TBCD: variants seen among roughly 807,000 people sequenced by gnomAD.
TBCD encodes tubulin-specific chaperone D.
A neutral mutation model predicts 169.3 loss-of-function variants in TBCD; 105 were observed. The observed-to-expected ratio is 0.62, with a 90% CI of 0.53 to 0.73. TBCD has a LOEUF of 0.73. TBCD is among the 30% of genes least tolerant of loss of function. The pLI is 0.00. For synonymous variants in TBCD, 700 were observed against 643.9 expected (o/e 1.09, Z -1.32); for missense variants, 1,444 against 1,600.1 (o/e 0.90, Z 1.66).
rs542987760 is a variant in TBCD, at chr17:82,907,893, C to A, written c.1983+72C>A. 4.4e-5 allele frequency: 66 copies of A among 1,514,628 alleles called. 1 individual carries two copies. In the South Asian group the frequency reaches 7.8e-4, roughly 18 times the overall value. 93.8% of individuals were successfully genotyped at this position (1,514,628 alleles called of 1,614,324 possible). On this transcript the variant is annotated intron_variant, in intron 21 of 38. Coordinates refer to ENST00000355528, the MANE Select transcript of TBCD (RefSeq NM_005993.5). ...CTGCCCCCTTAGGGCCTCCCACCCT[C>A]CCCAGGCAGGGTCTGCAGTCCTGGT... is the stretch of plus-strand genomic sequence containing the variant.
intron 13 of TBCD, among the ~76,000 whole-genome samples, chr17:82,820,724 A>C (rs1473002898): frequency 6.6e-6 from 1 of 151,686 alleles, no homozygotes; most frequent in East Asian, 1.9e-4. Flanking sequence ...TGAGTTTCTT[A>C]GGTTCTGCCC....
intron 23 of TBCD, among the ~76,000 whole-genome samples, chr17:82,917,948 GT>G (rs1301563588): frequency 6.6e-6 from 1 of 152,164 alleles, no homozygotes; most frequent in East Asian, 1.9e-4. Flanking sequence ...CTTCCTGTGT[GT>G]TTTCATTTTG....
chr17:82,773,893 A>C (rs1305056343), intron 6 of TBCD, among the ~76,000 whole-genome samples: 4 of 150,136 alleles, frequency 2.7e-5, no homozygotes, highest in African/African-American at 9.8e-5. Flanking sequence ...TGCTCAGCTA[A>C]TTTTTTTTTG....
chr17:82,929,681 G>A, intron 32 of TBCD, 181 bp downstream of exon 32: 2 of 849,352 alleles, frequency 2.4e-6, no homozygotes, highest in Non-Finnish European at 3.8e-6. Flanking sequence ...GAGGCTTAGG[G>A]CCTGTGGGAT....
chr17:82,866,061 C>T (rs1249292970), intron 13 of TBCD, among the ~76,000 whole-genome samples: 1 of 152,124 alleles, frequency 6.6e-6, no homozygotes, highest in African/African-American at 2.4e-5. Context: ...TATTTTAAAC[C>T]TGTTGAATCT....
rs1372336833 is a variant in TBCD at position 82,921,578 on chromosome 17, G to A, written c.2178+1G>A. The stretch of plus-strand genomic sequence containing the variant: ...AAGTCACTCCCGCCAGCAGATGAAG[G>A]TACAGTGAGCATGGGCGTTCCCGGC... On this transcript the variant is annotated splice_donor_variant, in intron 25 of 38. Coordinates refer to ENST00000355528, the MANE Select transcript of TBCD (RefSeq NM_005993.5). LOFTEE classifies it high-confidence loss of function. The A allele has an allele frequency of 6.2e-7, 1 of 1,613,984 alleles. No individual in the cohort carries two copies. The highest frequency in any genetic ancestry group is 8.5e-7 in the Non-Finnish European group (1 of 1,179,846).
At chr17:82,917,870 C>T (rs796099942) in intron 23 of TBCD, among the ~76,000 whole-genome samples, 8 of 152,242 alleles carry the variant, frequency 5.3e-5, no homozygotes, top group African/African-American at 1.9e-4. Context: ...AGCCGTGAGC[C>T]GGGGAGAGTT....
Position 82,781,480 on chromosome 17 carries a change from G to A in TBCD, c.639-109G>A. 2.9e-6 allele frequency: 4 copies of A among 1,393,128 alleles called. No homozygotes were observed. The South Asian group carries it at 4.1e-5, about 14-fold the overall frequency. The allele number at this position is 1,393,128 out of a possible 1,614,324, so 86.3% of individuals were successfully genotyped here. A position where few individuals can be genotyped will look rare whatever the true frequency, so the allele number is the denominator to read the frequency against. On this transcript the variant is annotated intron_variant, in intron 6 of 38. Coordinates refer to ENST00000355528, the MANE Select transcript of TBCD (RefSeq NM_005993.5). Reference sequence around the variant, plus strand: ...ACAGAGCTGGCATCTTGGTGTAAGGGTGCGTGAGGTGGGAGGGCCTGGGGA... The same window carrying A: ...ACAGAGCTGGCATCTTGGTGTAAGGATGCGTGAGGTGGGAGGGCCTGGGGA...
rs966053136 is a variant in TBCD at position 82,890,318 on chromosome 17, T to A, written c.1563+621T>A. 1.2e-4 allele frequency among the ~76,000 whole-genome samples: 19 copies of A among 152,204 alleles called. No homozygotes were observed. Among genetic ancestry groups the A allele is most frequent in the South Asian group, 1.0e-3 (5 of 4,832 alleles). ...AGAGGCCGGAGAGGGGACCGGGGTC[T>A]GGGCTGGACCTGGGCGGGGAGCAAA... On this transcript the variant is annotated intron_variant, in intron 16 of 38. Coordinates refer to ENST00000355528, the MANE Select transcript of TBCD (RefSeq NM_005993.5). This position sits in a 1 kb window ranked among gnomAD's most constrained non-coding sequence, Gnocchi z 5.3.
intron 28 of TBCD, chr17:82,926,929 G>T: frequency 1.8e-6 from 1 of 554,352 alleles, no homozygotes; most frequent in Admixed American, 3.2e-5. Context: ...TCTAGTCAGG[G>T]TGGGAAGTGG....
At chr17:82,866,717 C>T (rs889722360) in intron 13 of TBCD, among the ~76,000 whole-genome samples, 7 of 152,188 alleles carry the variant, frequency 4.6e-5, no homozygotes, top group African/African-American at 4.8e-5. Context: ...CCCCAGAGGC[C>T]GAGGCAGGCT....
At position 82,874,573 on chromosome 17, in the gene TBCD, T is replaced by G. The variant is rs1472807727; in HGVS notation, c.1475+4193T>G. On this transcript the variant is annotated intron_variant, in intron 14 of 38. Transcript: ENST00000355528. This position sits in a 1 kb window ranked among gnomAD's most constrained non-coding sequence, Gnocchi z 5.0. ...GCCATCCCGGCCGCAGACCCAAGGG[T>G]GCCCTTGGAGCCGTGCCCGCCGGCC... Among the ~76,000 whole-genome samples, 1 of 152,030 alleles carries G rather than the reference T, an allele frequency of 6.6e-6. No homozygotes were observed. Among genetic ancestry groups the G allele is most frequent in the Non-Finnish European group, 1.5e-5 (1 of 67,990 alleles).
At chr17:82,781,827 C>T (rs1568123843) in intron 7 of TBCD, 106 bp downstream of exon 7, 1 of 1,514,258 alleles carries the variant, frequency 6.6e-7, no homozygotes, top group African/African-American at 1.4e-5. Flanking sequence ...AATTGGAACC[C>T]CGTGGGATTG....
intron 21 of TBCD, among the ~76,000 whole-genome samples, chr17:82,908,798 T>C (rs2060421417): frequency 6.6e-6 from 1 of 152,212 alleles, no homozygotes; most frequent in Non-Finnish European, 1.5e-5. Context: ...CCGATCTCCT[T>C]GAGTTTTTGT....
At chr17:82,867,802 C>G (rs999367274) in intron 13 of TBCD, among the ~76,000 whole-genome samples, 2 of 152,240 alleles carry the variant, frequency 1.3e-5, no homozygotes, top group African/African-American at 4.8e-5. Context: ...GTGAGAGATA[C>G]TCTTGCAAAT....
chr17:82,867,340 A>G (rs2057244750), intron 13 of TBCD, among the ~76,000 whole-genome samples: 1 of 152,136 alleles, frequency 6.6e-6, no homozygotes, highest in Admixed American at 6.5e-5. Flanking sequence ...TGGATGAATA[A>G]ATTGGGACTC....
At chr17:82,888,691 C>T (rs2058923081) in intron 15 of TBCD, among the ~76,000 whole-genome samples, 2 of 152,278 alleles carry the variant, frequency 1.3e-5, no homozygotes, top group Admixed American at 6.5e-5. Flanking sequence ...CTCCTTTTCC[C>T]TGGGGGGTGG....
chr17:82,923,758 A>G lies in TBCD; in HGVS notation c.2260+25A>G. 5.1e-6 allele frequency: 8 copies of G among 1,573,520 alleles called. No homozygotes were observed. The highest frequency in any genetic ancestry group is 6.9e-6 in the Non-Finnish European group (8 of 1,158,042). On this transcript the variant is annotated intron_variant, in intron 26 of 38. Coordinates refer to ENST00000355528, the MANE Select transcript of TBCD (RefSeq NM_005993.5). This position sits in a 1 kb window ranked among gnomAD's most constrained non-coding sequence, Gnocchi z 4.6. ...GGTGAGTGGGGAGCCCTTTTCTTGA[A>G]GACTCCAGGGGCTTCCAGCAGGAAG...
chr17:82,807,723 C>A (rs904824064), intron 11 of TBCD, 55 bp downstream of exon 11: 2 of 1,334,394 alleles, frequency 1.5e-6, no homozygotes, highest in Non-Finnish European at 2.0e-6. Flanking sequence ...CTCTCCTGTG[C>A]GATTCAGCAG....
Sources: allele counts gnomAD v4.1 joint callset (sites outside exome capture counted in the v4.1 genomes callset), GRCh38; gene constraint gnomAD v4.1.1; non-coding constraint Gnocchi (gnomAD v3.1); transcripts MANE v1.5; gene names NCBI Gene and HGNC (gene_info 2026-07-23, HGNC 2026-07-21).